Variants in GADL1 observed in about 807,000 individuals in gnomAD.
GADL1 encodes the protein acidic amino acid decarboxylase GADL1.
Under a neutral mutation model 69.5 loss-of-function variants are expected in GADL1, and 71 were observed. The observed-to-expected ratio is 1.02, with a 90% CI of 0.84 to 1.25. GADL1 has a LOEUF of 1.25. Ranked by LOEUF, GADL1 falls within the 50% of genes most tolerant of loss-of-function variation. The probability of loss-of-function intolerance (pLI) is 0.00; values close to 1 mark genes in which losing one functional copy is unlikely to be tolerated. For missense variants in GADL1, 737 were observed against 631.8 expected (o/e 1.17, Z -1.79); for synonymous variants, 254 against 214.4 (o/e 1.18, Z -1.62).
intron 11 of GADL1, among the ~76,000 whole-genome samples, chr3:30,825,155 T>A (rs559653823): frequency 6.6e-6 from 1 of 151,958 alleles, no homozygotes; most frequent in Non-Finnish European, 1.5e-5. Context: ...TTTCACATCT[T>A]GGAAGCAGGA....
rs60344210 is a variant in GADL1, at chr3:30,733,586, C to CTCCTTCCTTCCTTCCT, written c.1393-5187_1393-5172dup. The stretch of plus-strand genomic sequence containing the variant: ...ATCTCTTTTCTTTTCTTTTCCTTTT[C>CTCCTTCCTTCCTTCCT]TCCTTCCTTCCTTCCTTCCTTCCTT... On this transcript the variant is annotated intron_variant, in intron 14 of 14. Transcript: ENST00000282538. Among the ~76,000 whole-genome samples the CTCCTTCCTTCCTTCCT allele has an allele frequency of 6.9e-3, 916 of 133,586 alleles. 7 individuals carry two copies. Among genetic ancestry groups the CTCCTTCCTTCCTTCCT allele is most frequent in the Admixed American group, 9.6e-3 (127 of 13,264 alleles). The allele number at this position is 133,586 out of a possible 152,430, so 87.6% of individuals were successfully genotyped here. A position where few individuals can be genotyped will look rare whatever the true frequency, so the allele number is the denominator to read the frequency against.
intron 14 of GADL1, among the ~76,000 whole-genome samples, chr3:30,756,474 G>A (rs1304685076): frequency 6.6e-6 from 1 of 152,152 alleles, no homozygotes; most frequent in East Asian, 1.9e-4. Flanking sequence ...TTTTTGCACT[G>A]TGCCTTTGAA....
chr3:30,784,414 G>A (rs958183230), intron 13 of GADL1, among the ~76,000 whole-genome samples: 9 of 151,868 alleles, frequency 5.9e-5, no homozygotes, highest in Admixed American at 1.3e-4. Context: ...AGAACTTCTC[G>A]CACTCTAAAT....
chr3:30,843,446 C>G (rs1012186403), intron 8 of GADL1, among the ~76,000 whole-genome samples: 1 of 151,870 alleles, frequency 6.6e-6, no homozygotes, highest in East Asian at 1.9e-4. Flanking sequence ...TTGGTAGTGA[C>G]GGGGTTTCAC....
At chr3:30,833,995 G>A in intron 10 of GADL1, 61 bp from the exon 11 acceptor site, 1 of 1,144,184 alleles carries the variant, frequency 8.7e-7, no homozygotes, top group Non-Finnish European at 1.3e-6. Context: ...ACAGGCAATG[G>A]AATACTATCA....
intron 4 of GADL1, among the ~76,000 whole-genome samples, chr3:30,853,190 C>T (rs544963128): frequency 1.3e-5 from 2 of 152,106 alleles, no homozygotes; most frequent in Non-Finnish European, 2.9e-5. Flanking sequence ...CTTCTCTCCC[C>T]ACTCTATACT....
chr3:30,729,320 T>C (rs113416916), intron 14 of GADL1, among the ~76,000 whole-genome samples: 3 of 152,340 alleles, frequency 2.0e-5, no homozygotes, highest in African/African-American at 7.2e-5. Context: ...ATATTAAGAA[T>C]GCATTTTTAC....
intron 14 of GADL1, among the ~76,000 whole-genome samples, chr3:30,762,512 A>G (rs1190967155): frequency 6.6e-6 from 1 of 152,180 alleles, no homozygotes; most frequent in Non-Finnish European, 1.5e-5. Context: ...GTAGGTGTAT[A>G]TAATTCTGGG....
At chr3:30,830,412 T>C (rs1300494359) in intron 11 of GADL1, among the ~76,000 whole-genome samples, 1 of 152,002 alleles carries the variant, frequency 6.6e-6, no homozygotes, top group Non-Finnish European at 1.5e-5. Flanking sequence ...TCTTTCGTTA[T>C]GGGGAAGTCA....
rs559189354 is a variant in GADL1 at position 30,773,167 on chromosome 3, C to T, written c.1392+5012G>A. Among the ~76,000 whole-genome samples the T allele has an allele frequency of 6.6e-5, 10 of 152,164 alleles. No homozygotes were observed. In the South Asian group the frequency reaches 2.1e-3, roughly 32 times the overall value. ...GATTAAAACATTTTAATATTTAAAA[C>T]CTTAAAATTCATCCTTATAAAAACT... On this transcript the variant is annotated intron_variant, in intron 14 of 14. Coordinates refer to ENST00000282538, the MANE Select transcript of GADL1 (RefSeq NM_207359.3).
intron 11 of GADL1, among the ~76,000 whole-genome samples, chr3:30,810,539 C>T (rs994440125): frequency 1.3e-5 from 2 of 152,126 alleles, no homozygotes; most frequent in Admixed American, 1.3e-4. Flanking sequence ...TTCCTTAATA[C>T]ATTTGACGTT....
chr3:30,889,726 A>G (rs934537520), intron 1 of GADL1, among the ~76,000 whole-genome samples: 38 of 152,196 alleles, frequency 2.5e-4, no homozygotes, highest in African/African-American at 8.0e-4. Context: ...TGAAATGTTC[A>G]AAAAGAGTTA....
intron 14 of GADL1, among the ~76,000 whole-genome samples, chr3:30,748,153 C>T (rs900842111): frequency 3.9e-5 from 6 of 152,094 alleles, no homozygotes; most frequent in African/African-American, 1.2e-4. Context: ...CCTCCTGGAC[C>T]AAATCAATGG....
rs773822181 is a variant in GADL1 at position 30,850,018 on chromosome 3, A to C, written c.629T>G (p.Leu210Ter). The change falls in exon 6 of 15, where the codon TTA becomes TGA. Residue 210 changes from leucine to a stop codon, truncating the protein, a stop_gained. Coordinates refer to ENST00000282538, the MANE Select transcript of GADL1 (RefSeq NM_207359.3). LOFTEE classifies it high-confidence loss of function. ...KEKGLSGSPR[L>*]ILFTSAECHY... ...TACCTCTGCAGATGTGAAAAGGATTAATCTTGGCGAACCAGACAGCCCCTT... is the reference window on the plus strand; with the variant it reads ...TACCTCTGCAGATGTGAAAAGGATTCATCTTGGCGAACCAGACAGCCCCTT... 1 of 1,601,238 alleles carries C rather than the reference A, an allele frequency of 6.2e-7. No individual in the cohort carries two copies. Among genetic ancestry groups the C allele is most frequent in the Non-Finnish European group, 8.6e-7 (1 of 1,168,540 alleles).
At chr3:30,835,818 GAGTT>G (rs755371025) in intron 9 of GADL1, among the ~76,000 whole-genome samples, 21 of 152,046 alleles carry the variant, frequency 1.4e-4, no homozygotes, top group Non-Finnish European at 2.8e-4. Context: ...CCCAGGTAAA[GAGTT>G]AGTAACTTGG....
chr3:30,846,647 A>G (rs958519212), intron 6 of GADL1, among the ~76,000 whole-genome samples: 7 of 152,190 alleles, frequency 4.6e-5, no homozygotes, highest in Non-Finnish European at 7.3e-5. Flanking sequence ...TACATTTTAG[A>G]GAATGAACAA....
chr3:30,801,109 C>T (rs776327117), intron 11 of GADL1, 21 bp from the exon 12 acceptor site: 63 of 1,408,894 alleles, frequency 4.5e-5, no homozygotes, highest in Non-Finnish European at 5.9e-5. Context: ...GAAAAGATTA[C>T]AAGACTGTTA....
chr3:30,748,118 G>T (rs1695736164), intron 14 of GADL1, among the ~76,000 whole-genome samples: 1 of 152,130 alleles, frequency 6.6e-6, no homozygotes. Context: ...AGTTAGAAAG[G>T]GATGACTTGG....
At chr3:30,782,810 CAG>C (rs1491206482) in intron 13 of GADL1, among the ~76,000 whole-genome samples, 4 of 152,174 alleles carry the variant, frequency 2.6e-5, no homozygotes, top group East Asian at 1.9e-4. Context: ...GAAACTAAGA[CAG>C]GGGAGACTAT....
Sources: gnomAD v4.1 joint callset for allele counts (sites outside exome capture counted in the v4.1 genomes callset) on GRCh38, gnomAD v4.1.1 for gene constraint, MANE v1.5 for transcripts, NCBI Gene and HGNC (gene_info 2026-07-23, HGNC 2026-07-21) for gene names.